Variants in CLNK observed in about 807,000 individuals in gnomAD.
CLNK encodes the protein cytokine dependent hematopoietic cell linker, also known as cytokine-dependent hematopoietic cell linker.
A neutral mutation model predicts 68.6 loss-of-function variants in CLNK; 74 were observed. That is an observed-to-expected ratio of 1.08 (90% CI 0.89 to 1.31). The LOEUF (loss-of-function observed/expected upper bound fraction) is 1.31. Among genes scored for constraint, CLNK ranks in the 50% most tolerant of loss-of-function variants. The pLI is 0.00. For synonymous variants in CLNK, 198 were observed against 172.2 expected (o/e 1.15, Z -1.17); for missense variants, 553 against 515.3 (o/e 1.07, Z -0.71).
intron 14 of CLNK, among the ~76,000 whole-genome samples, chr4:10,523,495 C>T (rs1445814407): frequency 6.6e-6 from 1 of 152,056 alleles, no homozygotes; most frequent in African/African-American, 2.4e-5. Flanking sequence ...TGACGAATAC[C>T]AACATTTGGA....
intron 12 of CLNK, 35 bp from the exon 13 acceptor site, chr4:10,528,129 T>A: frequency 8.8e-7 from 1 of 1,141,676 alleles, no homozygotes; most frequent in Non-Finnish European, 1.2e-6. Context: ...ATTTACTGAC[T>A]CTTGATGACA....
At chr4:10,728,798 TGTTA>T in the CLNK span, among the ~76,000 whole-genome samples, 1 of 151,976 alleles carries the variant, frequency 6.6e-6, no homozygotes, top group East Asian at 1.9e-4. Flanking sequence ...GGTTTCGCCA[TGTTA>T]GTTAGCCAGG....
At chr4:10,666,498 C>T (rs1333513275) in intron 2 of CLNK, among the ~76,000 whole-genome samples, 1 of 152,174 alleles carries the variant, frequency 6.6e-6, no homozygotes, top group Non-Finnish European at 1.5e-5. Context: ...TTCCCACAGT[C>T]AAAGGAATAA....
chr4:10,497,991 T>C (rs1442424458), intron 18 of CLNK, among the ~76,000 whole-genome samples: 1 of 148,976 alleles, frequency 6.7e-6, no homozygotes, highest in Non-Finnish European at 1.5e-5. Context: ...AGGTCGGGAG[T>C]TCCAGACCAG....
At chr4:10,582,590 A>G (rs1720822740) in intron 4 of CLNK, among the ~76,000 whole-genome samples, 1 of 152,040 alleles carries the variant, frequency 6.6e-6, no homozygotes. Flanking sequence ...AAAGCATTGC[A>G]CTGTTCTCTG....
intron 18 of CLNK, among the ~76,000 whole-genome samples, chr4:10,491,634 G>A (rs186606637): frequency 6.2e-4 from 94 of 152,116 alleles, no homozygotes; most frequent in African/African-American, 2.1e-3. Context: ...CTTTGTCAAG[G>A]ACACAGACTT....
chr4:10,671,178 G>C (rs1469080645), intron 1 of CLNK, among the ~76,000 whole-genome samples: 1 of 152,130 alleles, frequency 6.6e-6, no homozygotes, highest in Non-Finnish European at 1.5e-5. Context: ...CTGAGGCCAG[G>C]AGTTCGAGGC....
rs1187859029 is a variant in CLNK, at chr4:10,571,671, C to A, written c.150+70G>T. 6 of 1,252,778 alleles carry A rather than the reference C, an allele frequency of 4.8e-6. No homozygotes were observed. The South Asian group carries it at 7.4e-5, about 15-fold the overall frequency. The allele number at this position is 1,252,778 out of a possible 1,614,324, so 77.6% of individuals were successfully genotyped here. ...GATTTTTAAACATTTTACCCAGTAT[C>A]TTGAATCAAATTCACCTGCTTTGCA... On this transcript the variant is annotated intron_variant, in intron 5 of 18. Coordinates refer to ENST00000226951, the MANE Select transcript of CLNK (RefSeq NM_052964.4).
chr4:10,706,066 C>G, the CLNK span, among the ~76,000 whole-genome samples: 8 of 152,214 alleles, frequency 5.3e-5, no homozygotes, highest in Admixed American at 1.3e-4. Flanking sequence ...GAACCAGAAA[C>G]AAGGTGGGTC....
At chr4:10,649,314 T>C (rs544723047) in intron 2 of CLNK, among the ~76,000 whole-genome samples, 1 of 152,158 alleles carries the variant, frequency 6.6e-6, no homozygotes, top group Non-Finnish European at 1.5e-5. Flanking sequence ...AGTTAATAGA[T>C]GCCAAAAGCA....
intron 2 of CLNK, among the ~76,000 whole-genome samples, chr4:10,644,637 CCAAA>C (rs1183963646): frequency 2.6e-5 from 4 of 151,600 alleles, no homozygotes; most frequent in Non-Finnish European, 5.9e-5. Context: ...TAAGAGGGCA[CCAAA>C]CAATGTCAGT....
At chr4:10,504,350 G>GACCTCGAGATTCGCCCGCCTC (rs1345528503) in intron 17 of CLNK, among the ~76,000 whole-genome samples, 4 of 151,956 alleles carry the variant, frequency 2.6e-5, no homozygotes, top group African/African-American at 7.3e-5. Context: ...TCGATCTCCT[G>GACCTCGAGATTCGCCCGCCTC]ACCTCGAGAT....
chr4:10,628,969 C>T (rs1241918993), intron 2 of CLNK, among the ~76,000 whole-genome samples: 1 of 152,174 alleles, frequency 6.6e-6, no homozygotes, highest in Non-Finnish European at 1.5e-5. Flanking sequence ...GCTCTGAGGA[C>T]CCAAAAGAGC....
intron 2 of CLNK, among the ~76,000 whole-genome samples, chr4:10,619,697 A>G (rs757697870): frequency 6.6e-6 from 1 of 152,254 alleles, no homozygotes; most frequent in Non-Finnish European, 1.5e-5. Flanking sequence ...TTCAAAAGAC[A>G]GAATTAAACA....
chr4:10,680,336 G>A (rs1385004589), intron 1 of CLNK, among the ~76,000 whole-genome samples: 1 of 135,282 alleles, frequency 7.4e-6, no homozygotes, highest in Non-Finnish European at 1.5e-5. Context: ...ATGGACGCAG[G>A]AAGGGGAACA....
In CLNK at chr4:10,605,825, CAAAA is replaced by C. The variant is rs59881800; in HGVS notation, c.12-7780_12-7777del. On this transcript the variant is annotated intron_variant, in intron 2 of 18. Transcript: ENST00000226951. The stretch of plus-strand genomic sequence containing the variant: ...CCTGGGGACAGAGCAAGACTCTGTC[CAAAA>C]AAAAAAAAAAAAATAGAAAAAAGAA... Among the ~76,000 whole-genome samples the C allele has an allele frequency of 3.5e-4, 35 of 100,356 alleles. No individual in the cohort carries two copies. The South Asian group carries it at 6.6e-3, about 19-fold the overall frequency. 65.8% of individuals were successfully genotyped at this position (100,356 alleles called of 152,430 possible). A position where few individuals can be genotyped will look rare whatever the true frequency, so the allele number is the denominator to read the frequency against.
At chr4:10,727,068 C>T in the CLNK span, among the ~76,000 whole-genome samples, 1 of 152,286 alleles carries the variant, frequency 6.6e-6, no homozygotes, top group East Asian at 1.9e-4. Context: ...GTGGTCAGTG[C>T]AGAAGCCTGA....
chr4:10,583,172 C>G (rs1720844522), intron 4 of CLNK, among the ~76,000 whole-genome samples: 1 of 152,184 alleles, frequency 6.6e-6, no homozygotes, highest in African/African-American at 2.4e-5. Flanking sequence ...TTAATTAGAT[C>G]AGGTCTGCTA....
intron 2 of CLNK, among the ~76,000 whole-genome samples, chr4:10,626,111 G>T (rs557241982): frequency 6.6e-6 from 1 of 152,322 alleles, no homozygotes; most frequent in Non-Finnish European, 1.5e-5. Flanking sequence ...CTCCCTGGCT[G>T]GGGCTCATGC....
Sources: gnomAD v4.1 joint callset for allele counts (sites outside exome capture counted in the v4.1 genomes callset) on GRCh38, gnomAD v4.1.1 for gene constraint, MANE v1.5 for transcripts, NCBI Gene and HGNC (gene_info 2026-07-23, HGNC 2026-07-21) for gene names.